RAD50: variants seen among roughly 807,000 people sequenced by gnomAD.
The protein encoded by RAD50 is DNA repair protein RAD50.
RAD50 carries 132 observed loss-of-function variants against 168.8 expected under a neutral mutation model. That is an observed-to-expected ratio of 0.78 (90% CI 0.68 to 0.90). The LOEUF (loss-of-function observed/expected upper bound fraction) is 0.90, where lower values mean the gene tolerates loss of function less well. Among genes scored for constraint, RAD50 ranks in the 40% least tolerant of loss-of-function variants. RAD50 has a pLI of 0.00. For synonymous variants in RAD50, 525 were observed against 497.4 expected, an observed-to-expected ratio of 1.06 and a Z score of -0.74; for missense variants, 1,347 against 1,534.4, an observed-to-expected ratio of 0.88 and a Z score of 2.04.
At chr5:132,588,558 C>A in intron 7 of RAD50, 129 bp from the exon 8 acceptor site, 1 of 891,676 alleles carries the variant, frequency 1.1e-6, no homozygotes, top group Non-Finnish European at 1.7e-6. Flanking sequence ...AAAATGTTAT[C>A]ATTGGGAGAA....
At chr5:132,634,122 T>G (rs546115878) in intron 21 of RAD50, among the ~76,000 whole-genome samples, 1 of 152,302 alleles carries the variant, frequency 6.6e-6, no homozygotes, top group African/African-American at 2.4e-5. Context: ...TTATTGGGGT[T>G]TCTGTTTGGA....
chr5:132,626,539 CCTTT>C (rs1418862527), intron 21 of RAD50, among the ~76,000 whole-genome samples: 4 of 152,238 alleles, frequency 2.6e-5, no homozygotes, highest in African/African-American at 7.2e-5. Flanking sequence ...AGTCCAGCTT[CCTTT>C]GTCATGTTCC....
intron 2 of RAD50, among the ~76,000 whole-genome samples, chr5:132,573,386 C>A (rs1750340448): frequency 6.6e-6 from 1 of 152,062 alleles, no homozygotes; most frequent in African/African-American, 2.4e-5. Flanking sequence ...AAAATTCCCC[C>A]TTATAATGAC....
At chr5:132,632,068 A>T (rs534021017) in intron 21 of RAD50, among the ~76,000 whole-genome samples, 49 of 152,250 alleles carry the variant, frequency 3.2e-4, no homozygotes, top group Non-Finnish European at 5.1e-4. Context: ...GGGCTTTCCC[A>T]TTTCAATTCC....
chr5:132,610,144 CA>C (rs1314768765), intron 19 of RAD50, among the ~76,000 whole-genome samples: 4 of 151,978 alleles, frequency 2.6e-5, no homozygotes, highest in Non-Finnish European at 5.9e-5. Flanking sequence ...AGATGTATCA[CA>C]TTCTTTTTAA....
chr5:132,579,588 T>A (rs895466712), intron 4 of RAD50, 86 bp downstream of exon 4: 4 of 1,412,840 alleles, frequency 2.8e-6, no homozygotes, highest in African/African-American at 2.8e-5. Flanking sequence ...ACAGAAAAAA[T>A]TTAAAAAGCA....
chr5:132,589,192 A>G (rs1245707139), intron 8 of RAD50, among the ~76,000 whole-genome samples: 1 of 152,220 alleles, frequency 6.6e-6, no homozygotes, highest in Non-Finnish European at 1.5e-5. Context: ...TTTTTAAAAT[A>G]CAGTCTTGAA....
At position 132,576,491 on chromosome 5, in the gene RAD50, A is replaced by G. The variant is rs115426510; in HGVS notation, c.365+563A>G. On this transcript the variant is annotated intron_variant, in intron 3 of 24. Coordinates refer to ENST00000378823, the MANE Select transcript of RAD50 (RefSeq NM_005732.4). The stretch of plus-strand genomic sequence containing the variant: ...TCTTTGTTGAGCAAATTACTTGACT[A>G]TTCAGCTTCTTCTCCTCCCTTTTAT... Among the ~76,000 whole-genome samples, 257 of 152,308 alleles carry G rather than the reference A, an allele frequency of 1.7e-3. 1 individual carries two copies. Among genetic ancestry groups the G allele is most frequent in the Non-Finnish European group, 3.0e-3 (202 of 68,024 alleles).
intron 5 of RAD50, 54 bp downstream of exon 5, chr5:132,580,120 GCA>G (rs2149838097): frequency 7.1e-7 from 1 of 1,409,548 alleles, no homozygotes; most frequent in Non-Finnish European, 1.0e-6. Context: ...ATGGTATACA[GCA>G]TGATGTTTTG....
intron 2 of RAD50, 77 bp downstream of exon 2, chr5:132,559,444 G>GAAAAATGA: frequency 6.9e-7 from 1 of 1,439,818 alleles, no homozygotes; most frequent in Non-Finnish European, 9.5e-7. Flanking sequence ...CTTGGCACTG[G>GAAAAATGA]AAAACTATAA....
chr5:132,574,659 A>G (rs371626134), intron 2 of RAD50, among the ~76,000 whole-genome samples: 1 of 152,146 alleles, frequency 6.6e-6, no homozygotes, highest in Non-Finnish European at 1.5e-5. Context: ...CAAATTTTCC[A>G]AACTTTTATG....
intron 11 of RAD50, among the ~76,000 whole-genome samples, chr5:132,594,132 A>G (rs770111948): frequency 6.6e-6 from 1 of 152,220 alleles, no homozygotes; most frequent in African/African-American, 2.4e-5. Flanking sequence ...GGTAGTCATG[A>G]TGAAGAAGCA....
In RAD50 at chr5:132,594,917, AC is replaced by A. The variant is rs2149843695; in HGVS notation, c.1843del (p.Leu615Ter). 1 of 1,607,796 alleles carries A rather than the reference AC, an allele frequency of 6.2e-7. No homozygotes were observed. Among genetic ancestry groups the A allele is most frequent in the Non-Finnish European group, 8.5e-7 (1 of 1,174,284 alleles). On this transcript the variant is annotated frameshift_variant, in exon 12 of 25. Transcript: ENST00000378823. LOFTEE classifies it high-confidence loss of function. ...EQNKNHINNE[L>X]KRKEEQLSSY... ...AGAATAAAAATCATATAAATAATGA[AC>A]TAAAAAGAAAGGAAGAGCAGTTGTC...
At chr5:132,608,578 A>C in intron 16 of RAD50, 37 bp from the exon 17 acceptor site, 1 of 1,458,212 alleles carries the variant, frequency 6.9e-7, no homozygotes, top group South Asian at 1.3e-5. Context: ...AAGATAATGG[A>C]ATATTATATA....
At chr5:132,619,288 G>A (rs1442107510) in intron 21 of RAD50, among the ~76,000 whole-genome samples, 1 of 152,176 alleles carries the variant, frequency 6.6e-6, no homozygotes, top group East Asian at 1.9e-4. Context: ...ACCACTAGCA[G>A]TATATAAGGG....
rs200017020 is a variant in RAD50, at chr5:132,588,846, A to G, written c.1211A>G (p.Gln404Arg). ...TTTCACAAACTTGTGAGAGAGAGAC[A>G]AGAAGGGGAAGCAAAAACTGCCAAC... ...KNFHKLVRER[Q>R]EGEAKTANQL... Residue 404 changes from glutamine (Q) to arginine (R), a missense_variant, in exon 8 of 25, where the codon CAA becomes CGA. This residue lies in a region of RAD50 where 703 missense variants were observed against 767.7 expected (regional missense o/e 0.92). Transcript: ENST00000378823. 1.1e-4 allele frequency: 172 copies of G among 1,614,004 alleles called. No homozygotes were observed. In the East Asian group the frequency reaches 2.1e-3, roughly 20 times the overall value.
intron 23 of RAD50, 131 bp downstream of exon 23, chr5:132,638,354 A>G (rs1751638909): frequency 1.9e-6 from 2 of 1,074,276 alleles, no homozygotes; most frequent in South Asian, 2.7e-5. Flanking sequence ...TATAAAATGA[A>G]TCAGGCTCAG....
chr5:132,619,873 T>TATATATATATATAAAG (rs1561651746), intron 21 of RAD50, among the ~76,000 whole-genome samples: 10 of 100,632 alleles, frequency 9.9e-5, no homozygotes, highest in African/African-American at 2.9e-4. Flanking sequence ...TATATAAAGA[T>TATATATATATATAAAG]ATATATATAT....
chr5:132,592,139 T>C, intron 11 of RAD50, 105 bp downstream of exon 11: 1 of 1,249,120 alleles, frequency 8.0e-7, no homozygotes, highest in Admixed American at 1.8e-5. Context: ...GTTATATTGA[T>C]AAACTTTAGT....
Sources: allele counts gnomAD v4.1 joint callset (sites outside exome capture counted in the v4.1 genomes callset), GRCh38; gene constraint gnomAD v4.1.1; regional missense constraint gnomAD v4.1.1; transcripts MANE v1.5; gene names NCBI Gene and HGNC (gene_info 2026-07-23, HGNC 2026-07-21).